The following UVRAG variants were observed in gnomAD, a reference collection of about 807,000 sequenced individuals.
UVRAG encodes the protein UV radiation resistance associated.
In UVRAG, 19 loss-of-function variants were observed where a neutral mutation model predicts 78.0. The ratio of observed to expected loss-of-function variants is 0.24; its 90% CI spans 0.17 to 0.36. UVRAG has a LOEUF of 0.36. UVRAG is among the 10% of genes least tolerant of loss of function. UVRAG has a pLI of 1.00. For synonymous variants in UVRAG, 323 were observed against 324.6 expected, an observed-to-expected ratio of 1.00 and a Z score of 0.05; for missense variants, 740 against 853.8, an observed-to-expected ratio of 0.87 and a Z score of 1.66.
chr11:75,991,065 A>G (rs1949597291), intron 8 of UVRAG, among the ~76,000 whole-genome samples: 1 of 152,242 alleles, frequency 6.6e-6, no homozygotes, highest in African/African-American at 2.4e-5. Flanking sequence ...TTTGGCAGTG[A>G]TAAGTATCTG....
intron 5 of UVRAG, among the ~76,000 whole-genome samples, 196 bp downstream of exon 5, chr11:75,889,099 T>C (rs1457262166): frequency 6.6e-6 from 1 of 152,250 alleles, no homozygotes; most frequent in East Asian, 1.9e-4. Flanking sequence ...GTCCATCTTT[T>C]CTAAATCCAG....
chr11:75,971,461 A>G (rs1162303773), intron 7 of UVRAG, among the ~76,000 whole-genome samples: 2 of 152,192 alleles, frequency 1.3e-5, no homozygotes, highest in Non-Finnish European at 1.5e-5. Context: ...CCCCACCTTC[A>G]ATGAATGACA....
At chr11:75,830,566 C>T (rs1031338099) in intron 1 of UVRAG, among the ~76,000 whole-genome samples, 1 of 152,196 alleles carries the variant, frequency 6.6e-6, no homozygotes, top group South Asian at 2.1e-4. Flanking sequence ...CCACTGCGCC[C>T]GGCCGTAAGT....
In UVRAG at chr11:76,141,495, G is replaced by T. The variant is rs982543637; in HGVS notation, c.*82G>T. The T allele has an allele frequency of 1.5e-6, 2 of 1,325,892 alleles. No homozygotes were observed. Among genetic ancestry groups the T allele is most frequent in the Non-Finnish European group, 2.1e-6 (2 of 967,096 alleles). 82.1% of individuals were successfully genotyped at this position (1,325,892 alleles called of 1,614,324 possible). On this transcript the variant is annotated 3_prime_UTR_variant, in exon 15 of 15. Transcript: ENST00000356136. Reference sequence around the variant, plus strand: ...GCTGCACTTAACCCTTTGTGATAATGATGACACAAAATGAATATTAATGGA... The same window carrying T: ...GCTGCACTTAACCCTTTGTGATAATTATGACACAAAATGAATATTAATGGA...
intron 12 of UVRAG, among the ~76,000 whole-genome samples, chr11:76,028,641 G>T (rs975711650): frequency 2.0e-5 from 3 of 152,230 alleles, no homozygotes; most frequent in African/African-American, 7.2e-5. Context: ...CAAACCAGCC[G>T]CAACATTCCC....
Position 75,927,311 on chromosome 11 carries a change from C to T in UVRAG, c.593+15272C>T, listed in dbSNP as rs186579833. 2.0e-5 allele frequency among the ~76,000 whole-genome samples: 3 copies of T among 152,138 alleles called. No individual in the cohort carries two copies. The East Asian group carries it at 5.8e-4, about 29-fold the overall frequency. Reference sequence around the variant, plus strand: ...TGTCTTAACTTCTGACCTGGTGATCCGTCTGCCTTGGCCTCCCAAAGTGCT... The same window carrying T: ...TGTCTTAACTTCTGACCTGGTGATCTGTCTGCCTTGGCCTCCCAAAGTGCT... On this transcript the variant is annotated intron_variant, in intron 6 of 14. Coordinates refer to ENST00000356136, the MANE Select transcript of UVRAG (RefSeq NM_003369.4).
chr11:75,905,103 C>T lies in UVRAG; in HGVS notation c.508-6851C>T, dbSNP rs148374716. The stretch of plus-strand genomic sequence containing the variant: ...AGAAAAAATATTTGGCAGCTTTTTC[C>T]GTAAAATAAGAAAAGCTAAGTAGAA... On this transcript the variant is annotated intron_variant, in intron 5 of 14. Coordinates refer to ENST00000356136, the MANE Select transcript of UVRAG (RefSeq NM_003369.4). Among the ~76,000 whole-genome samples the T allele has an allele frequency of 5.4e-3, 816 of 151,984 alleles. 5 individuals carry two copies. The highest frequency in any genetic ancestry group is 0.018 in the African/African-American group (765 of 41,450).
intron 14 of UVRAG, among the ~76,000 whole-genome samples, chr11:76,120,376 A>C (rs1952252436): frequency 6.6e-6 from 1 of 152,086 alleles, no homozygotes; most frequent in Non-Finnish European, 1.5e-5. Context: ...ATTTACTCAA[A>C]TTATTTACAT....
rs765833905 is a variant in UVRAG at position 76,016,975 on chromosome 11, G to A, written c.1221G>A (p.Glu407=). The A allele has an allele frequency of 1.3e-6, 2 of 1,600,006 alleles. No individual in the cohort carries two copies. ...DNINDKLTEK[E]REFPLYPKGG... ...TCAATGACAAACTGACGGAAAAGGA[G>A]AGAGAGTAAGTGTCTTTTTTTTAAA... Residue 407 remains glutamate (E), a synonymous_variant, in exon 12 of 15, where the codon GAG becomes GAA. Coordinates refer to ENST00000356136, the MANE Select transcript of UVRAG (RefSeq NM_003369.4).
intron 8 of UVRAG, among the ~76,000 whole-genome samples, chr11:75,990,334 G>A (rs1949580804): frequency 6.6e-6 from 1 of 152,122 alleles, no homozygotes; most frequent in African/African-American, 2.4e-5. Context: ...TTAAAACTGT[G>A]TCTCACTGAG....
intron 4 of UVRAG, among the ~76,000 whole-genome samples, chr11:75,886,809 T>C (rs977413642): frequency 6.6e-6 from 1 of 152,082 alleles, no homozygotes; most frequent in African/African-American, 2.4e-5. Context: ...CCTCTTGTCT[T>C]TCCCCCACTT....
At chr11:75,936,430 G>A (rs760359530) in intron 6 of UVRAG, among the ~76,000 whole-genome samples, 10 of 152,172 alleles carry the variant, frequency 6.6e-5, no homozygotes, top group Non-Finnish European at 1.5e-4. Flanking sequence ...ATTTATTAGT[G>A]TGACATTCCA....
intron 13 of UVRAG, among the ~76,000 whole-genome samples, chr11:76,082,125 G>A (rs1419692452): frequency 6.6e-6 from 1 of 152,146 alleles, no homozygotes; most frequent in African/African-American, 2.4e-5. Flanking sequence ...GGCACCAGCA[G>A]CATTGTATTT....
At chr11:75,948,791 CTAAAAGGTTAGTG>C (rs1948629297) in intron 6 of UVRAG, among the ~76,000 whole-genome samples, 1 of 152,008 alleles carries the variant, frequency 6.6e-6, no homozygotes, top group African/African-American at 2.4e-5. Context: ...CCTAGAGTAT[CTAAAAGGTTAGTG>C]TCCATCAGAG....
intron 1 of UVRAG, among the ~76,000 whole-genome samples, chr11:75,826,218 C>T (rs1472904996): frequency 2.0e-5 from 3 of 149,490 alleles, no homozygotes; most frequent in African/African-American, 7.4e-5. Context: ...TGCAGTGGCA[C>T]GATCTTGGCT....
intron 1 of UVRAG, among the ~76,000 whole-genome samples, chr11:75,850,468 T>C (rs1203331483): frequency 6.6e-6 from 1 of 152,140 alleles, no homozygotes; most frequent in African/African-American, 2.4e-5. Context: ...GTTGGGTATG[T>C]GGAAGAGCTG....
chr11:76,103,305 A>G (rs1458131697), intron 13 of UVRAG, among the ~76,000 whole-genome samples: 1 of 152,102 alleles, frequency 6.6e-6, no homozygotes, highest in East Asian at 1.9e-4. Flanking sequence ...AATTCTGCCT[A>G]CTACTCCCAC....
At chr11:75,825,443 A>G (rs1439602371) in intron 1 of UVRAG, among the ~76,000 whole-genome samples, 1 of 152,164 alleles carries the variant, frequency 6.6e-6, no homozygotes, top group South Asian at 2.1e-4. Flanking sequence ...AATTTTTTCA[A>G]TGCCTTGTAC....
intron 14 of UVRAG, among the ~76,000 whole-genome samples, chr11:76,122,254 T>C (rs887776997): frequency 3.3e-4 from 50 of 152,104 alleles, no homozygotes; most frequent in African/African-American, 1.1e-3. Context: ...AACATTTCAG[T>C]GGAGAGTGGA....
Sources: gnomAD v4.1 joint callset for allele counts (sites outside exome capture counted in the v4.1 genomes callset) on GRCh38, gnomAD v4.1.1 for gene constraint, MANE v1.5 for transcripts, NCBI Gene and HGNC (gene_info 2026-07-23, HGNC 2026-07-21) for gene names.